NEK7: variants seen among roughly 807,000 people sequenced by gnomAD.
NEK7 encodes NIMA related kinase 7.
In NEK7, 18 loss-of-function variants were observed where a neutral mutation model predicts 44.6. The observed-to-expected ratio is 0.40, with a 90% CI of 0.28 to 0.60. The LOEUF (loss-of-function observed/expected upper bound fraction) is 0.60. Among genes scored for constraint, NEK7 ranks in the 20% least tolerant of loss-of-function variants. The probability of loss-of-function intolerance (pLI) is 0.38; values close to 1 mark genes in which losing one functional copy is unlikely to be tolerated. For missense variants in NEK7, 256 were observed against 366.5 expected (o/e 0.70, Z 2.46); for synonymous variants, 130 against 121.1 (o/e 1.07, Z -0.48).
intron 1 of NEK7, among the ~76,000 whole-genome samples, chr1:198,207,477 T>G (rs772993838): frequency 6.6e-6 from 1 of 152,122 alleles, no homozygotes; most frequent in Non-Finnish European, 1.5e-5. Context: ...CCCCCCTCAG[T>G]TGGAGAATGA....
intron 9 of NEK7, among the ~76,000 whole-genome samples, chr1:198,306,188 A>G (rs1042298980): frequency 5.9e-5 from 9 of 152,160 alleles, no homozygotes; most frequent in African/African-American, 2.2e-4. Context: ...AATATTACGT[A>G]TTAGCTTTTA....
chr1:198,263,320 T>G (rs948876495), intron 4 of NEK7, among the ~76,000 whole-genome samples: 1 of 151,944 alleles, frequency 6.6e-6, no homozygotes, highest in Non-Finnish European at 1.5e-5. Flanking sequence ...CAATGTTTTC[T>G]GACTATTCTG....
intron 3 of NEK7, among the ~76,000 whole-genome samples, chr1:198,258,177 A>G (rs1294129458): frequency 6.6e-6 from 1 of 152,164 alleles, no homozygotes; most frequent in African/African-American, 2.4e-5. Flanking sequence ...CGGTGACTCA[A>G]CGCCTGTAAT....
chr1:198,256,479 CA>C (rs749732874), intron 3 of NEK7: 9 of 1,581,158 alleles, frequency 5.7e-6, no homozygotes, highest in Non-Finnish European at 6.8e-6. Context: ...GGTTCATTTG[CA>C]AAAAAATAAG....
intron 7 of NEK7, among the ~76,000 whole-genome samples, chr1:198,288,795 T>C (rs1393305158): frequency 2.0e-5 from 3 of 152,142 alleles, no homozygotes; most frequent in Non-Finnish European, 2.9e-5. Flanking sequence ...TGGTAAACTT[T>C]TGTTAAAATT....
At chr1:198,256,837 C>A (rs545354400) in intron 3 of NEK7, among the ~76,000 whole-genome samples, 5 of 152,096 alleles carry the variant, frequency 3.3e-5, no homozygotes, top group Non-Finnish European at 7.4e-5. Flanking sequence ...AACTTACGTT[C>A]TTTATGTTGG....
intron 1 of NEK7, chr1:198,221,031 A>G (rs1383539030): frequency 6.6e-6 from 1 of 152,114 alleles, no homozygotes; most frequent in African/African-American, 2.4e-5. Flanking sequence ...TTGGACGAAT[A>G]TGCTTCAACT....
Position 198,192,252 on chromosome 1 carries a change from G to A in NEK7, c.-29+34976G>A, listed in dbSNP as rs148490165. On this transcript the variant is annotated intron_variant, in intron 1 of 9. Coordinates refer to ENST00000367385, the MANE Select transcript of NEK7 (RefSeq NM_133494.3). ...GCTGGATTTGTAGTTATGCTGCTCTGTAATTTTTTATTTATTTTTGCTTTC... is the reference window on the plus strand; with the variant it reads ...GCTGGATTTGTAGTTATGCTGCTCTATAATTTTTTATTTATTTTTGCTTTC... 7.1e-3 allele frequency among the ~76,000 whole-genome samples: 1,038 copies of A among 146,950 alleles called. 3 individuals are homozygous for A. Among genetic ancestry groups the A allele is most frequent in the Non-Finnish European group, 9.9e-3 (654 of 66,354 alleles).
intron 1 of NEK7, among the ~76,000 whole-genome samples, chr1:198,161,021 T>C (rs1417099201): frequency 6.6e-6 from 1 of 152,238 alleles, no homozygotes; most frequent in Non-Finnish European, 1.5e-5. Context: ...ACTTCTTTTT[T>C]AACCTTTGTC....
At chr1:198,176,134 G>C (rs1664597594) in intron 1 of NEK7, among the ~76,000 whole-genome samples, 2 of 152,152 alleles carry the variant, frequency 1.3e-5, no homozygotes, top group African/African-American at 4.8e-5. Context: ...TTTTCTAACT[G>C]TGTTTAGTTA....
chr1:198,226,019 C>T (rs941222527), intron 1 of NEK7, among the ~76,000 whole-genome samples: 20 of 152,124 alleles, frequency 1.3e-4, no homozygotes, highest in Admixed American at 2.6e-4. Flanking sequence ...CAGGTATTGA[C>T]GTAAGCACTG....
rs994479397 is a variant in NEK7, at chr1:198,249,532, C to A, written c.58-3508C>A. Among the ~76,000 whole-genome samples the A allele has an allele frequency of 7.9e-5, 12 of 152,196 alleles. 1 individual carries two copies. The highest frequency in any genetic ancestry group is 5.2e-4 in the Admixed American group (8 of 15,294). On this transcript the variant is annotated intron_variant, in intron 2 of 9. Coordinates refer to ENST00000367385, the MANE Select transcript of NEK7 (RefSeq NM_133494.3). The stretch of plus-strand genomic sequence containing the variant: ...ACAGTGTAAAAGTGTTCCTATTTCT[C>A]CACATCCTCTCCAGCATCTGTTGTT...
chr1:198,177,127 G>A (rs902106717), intron 1 of NEK7, among the ~76,000 whole-genome samples: 1 of 152,092 alleles, frequency 6.6e-6, no homozygotes, highest in African/African-American at 2.4e-5. Flanking sequence ...GTGTAGAAAC[G>A]ATAAAAGTAG....
At chr1:198,203,727 A>C (rs1298684566) in intron 1 of NEK7, among the ~76,000 whole-genome samples, 2 of 152,192 alleles carry the variant, frequency 1.3e-5, no homozygotes, top group Non-Finnish European at 2.9e-5. Flanking sequence ...CTAACAAAAG[A>C]ATGAACCTCA....
intron 5 of NEK7, among the ~76,000 whole-genome samples, chr1:198,268,302 T>A (rs1653719981): frequency 6.6e-6 from 1 of 152,008 alleles, no homozygotes. Flanking sequence ...GTAAACAAAT[T>A]CCTTACAGAC....
rs1664103472 is a variant in NEK7, at chr1:198,161,429, A to C, written c.-29+4153A>C. Among the ~76,000 whole-genome samples the C allele has an allele frequency of 2.0e-5, 3 of 152,242 alleles. No individual in the cohort carries two copies. In the South Asian group the frequency reaches 6.2e-4, roughly 31 times the overall value. On this transcript the variant is annotated intron_variant, in intron 1 of 9. Transcript: ENST00000367385. ...TGTGTTCAAATAAAGCTTTATTTAT[A>C]CAAATAGGTTGGTAGCTTTCCCCCA...
chr1:198,199,006 G>A (rs1558052326), intron 1 of NEK7, among the ~76,000 whole-genome samples: 1 of 152,170 alleles, frequency 6.6e-6, no homozygotes, highest in Non-Finnish European at 1.5e-5. Flanking sequence ...TCAGTAATGG[G>A]ACTCCTCATT....
intron 5 of NEK7, among the ~76,000 whole-genome samples, chr1:198,267,467 GGAATC>G (rs1212447433): frequency 6.6e-6 from 1 of 151,868 alleles, no homozygotes; most frequent in Admixed American, 6.6e-5. Context: ...TTTTTGAGAT[GGAATC>G]TCACTCTGTC....
rs558897252 is a variant in NEK7 at position 198,296,270 on chromosome 1, G to T, written c.685-857G>T. Among the ~76,000 whole-genome samples, 120 of 152,270 alleles carry T rather than the reference G, an allele frequency of 7.9e-4. 1 individual carries two copies. Among genetic ancestry groups the T allele is most frequent in the African/African-American group, 2.8e-3 (118 of 41,554 alleles). ...TGACTTTGGGGCAGCCTGGCACTCC[G>T]TGTTGTATTCTTGCTGCTGTGGTTC... is the stretch of plus-strand genomic sequence containing the variant. On this transcript the variant is annotated intron_variant, in intron 8 of 9. Transcript: ENST00000367385.
Sources: allele counts gnomAD v4.1 joint callset (sites outside exome capture counted in the v4.1 genomes callset), GRCh38; gene constraint gnomAD v4.1.1; transcripts MANE v1.5; gene names NCBI Gene and HGNC (gene_info 2026-07-23, HGNC 2026-07-21).